The following IQGAP2 variants were observed in gnomAD, a reference collection of about 807,000 sequenced individuals.
IQGAP2 encodes ras GTPase-activating-like protein IQGAP2.
A neutral mutation model predicts 201.3 loss-of-function variants in IQGAP2; 173 were observed. The observed-to-expected ratio is 0.86, with a 90% confidence interval of 0.76 to 0.98. The LOEUF is 0.98. Ranked by LOEUF, IQGAP2 falls within the 50% of genes least tolerant of loss-of-function variation. The probability of loss-of-function intolerance (pLI) is 0.00; values close to 1 mark genes in which losing one functional copy is unlikely to be tolerated. For synonymous variants in IQGAP2, 675 were observed against 673.9 expected (o/e 1.00, Z -0.03); for missense variants, 1,687 against 1,864.8 (o/e 0.90, Z 1.76).
intron 2 of IQGAP2, among the ~76,000 whole-genome samples, chr5:76,478,138 G>A (rs1476666601): frequency 3.3e-5 from 5 of 152,108 alleles, no homozygotes; most frequent in South Asian, 2.1e-4. Context: ...GGTGGCTCAC[G>A]CCTGTAATCC....
In IQGAP2 at chr5:76,615,717, G is replaced by A. The variant is rs533162021; in HGVS notation, c.1521+4534G>A. 4 of 151,478 alleles carry A rather than the reference G, an allele frequency of 2.6e-5. No individual in the cohort carries two copies. In the East Asian group the frequency reaches 7.7e-4, roughly 29 times the overall value. The allele number at this position is 151,478 out of a possible 1,614,324, so 9.4% of individuals were successfully genotyped here. ...ATGTCTTCCTTCCTGTCTAATCACTGAGTTAAGGGAAAAATAGTCATTTAC... is the reference window on the plus strand; with the variant it reads ...ATGTCTTCCTTCCTGTCTAATCACTAAGTTAAGGGAAAAATAGTCATTTAC... On this transcript the variant is annotated intron_variant, in intron 13 of 35. Transcript: ENST00000274364.
At chr5:76,686,194 A>G (rs758222633) in intron 30 of IQGAP2, among the ~76,000 whole-genome samples, 26 of 151,790 alleles carry the variant, frequency 1.7e-4, no homozygotes, top group Non-Finnish European at 3.1e-4. Flanking sequence ...AGTTGTTTAT[A>G]TATTCTGGAC....
chr5:76,470,697 T>C (rs1265677716), intron 2 of IQGAP2, among the ~76,000 whole-genome samples: 1 of 152,188 alleles, frequency 6.6e-6, no homozygotes, highest in Admixed American at 6.5e-5. Flanking sequence ...AGTTGCTTGC[T>C]ACCATGCCTG....
At chr5:76,408,246 G>A (rs751165791) in intron 1 of IQGAP2, among the ~76,000 whole-genome samples, 11 of 152,298 alleles carry the variant, frequency 7.2e-5, no homozygotes, top group South Asian at 4.1e-4. Context: ...GCTACTCAAC[G>A]TCTGATTTGA....
intron 2 of IQGAP2, among the ~76,000 whole-genome samples, chr5:76,546,330 G>A (rs1037892984): frequency 1.3e-5 from 2 of 152,098 alleles, no homozygotes; most frequent in African/African-American, 4.8e-5. Context: ...CAGCTATTCC[G>A]GAGGCTGAGG....
At chr5:76,623,030 T>C (rs2150367058) in intron 13 of IQGAP2, 1 of 775,304 alleles carries the variant, frequency 1.3e-6, no homozygotes, top group Non-Finnish European at 2.2e-6. Context: ...TCCATGATTC[T>C]ACCTTTTAAT....
chr5:76,626,041 A>T (rs1286860386), intron 13 of IQGAP2, among the ~76,000 whole-genome samples: 1 of 152,136 alleles, frequency 6.6e-6, no homozygotes, highest in African/African-American at 2.4e-5. Context: ...AATCAACCCA[A>T]AGTTAAATAG....
chr5:76,536,905 A>G (rs1366662385), intron 2 of IQGAP2, among the ~76,000 whole-genome samples: 5 of 152,206 alleles, frequency 3.3e-5, no homozygotes, highest in Non-Finnish European at 5.9e-5. Flanking sequence ...TTAACTCTGA[A>G]AATTGAAGAC....
intron 3 of IQGAP2, among the ~76,000 whole-genome samples, chr5:76,567,794 A>G (rs4704336): frequency 0.59 from 89,057 of 151,952 alleles, 27,490 homozygotes; most frequent in East Asian, 0.77. Context: ...CAATATGTAG[A>G]ATGTTAGCAT....
At position 76,496,754 on chromosome 5, in the gene IQGAP2, TTTCTTTCTTTC is replaced by T. The variant is rs1561416450; in HGVS notation, c.146+35088_146+35098del. Among the ~76,000 whole-genome samples, 488 of 68,708 alleles carry T rather than the reference TTTCTTTCTTTC, an allele frequency of 7.1e-3. 15 individuals carry two copies. Among genetic ancestry groups the T allele is most frequent in the African/African-American group, 0.037 (453 of 12,368 alleles). 45.1% of individuals were successfully genotyped at this position (68,708 alleles called of 152,430 possible). A position where few individuals can be genotyped will look rare whatever the true frequency, so the allele number is the denominator to read the frequency against. On this transcript the variant is annotated intron_variant, in intron 2 of 35. Coordinates refer to ENST00000274364, the MANE Select transcript of IQGAP2 (RefSeq NM_006633.5). ...CTTTCTTTCTTTCTTTCTTTCTTTC[TTTCTTTCTTTC>T]TTTCTTTCTTTCTTTCTTTCTTTCT...
chr5:76,659,400 T>C (rs370850025), intron 21 of IQGAP2, among the ~76,000 whole-genome samples: 39 of 152,196 alleles, frequency 2.6e-4, no homozygotes, highest in African/African-American at 8.9e-4. Context: ...TGTAGACCTC[T>C]TCACAGAACA....
chr5:76,622,913 C>T (rs924592), intron 13 of IQGAP2, among the ~76,000 whole-genome samples: 139,295 of 152,280 alleles, frequency 0.91, 63,979 homozygotes, highest in Middle Eastern at 0.98. Context: ...CTGACTTAAT[C>T]GTAGACATCT....
intron 13 of IQGAP2, chr5:76,618,160 G>A: frequency 6.2e-7 from 1 of 1,614,178 alleles, no homozygotes; most frequent in East Asian, 2.2e-5. Flanking sequence ...CAGGCAAGGA[G>A]CAGAATGGAG....
chr5:76,634,851 C>T (rs917229918), intron 15 of IQGAP2, among the ~76,000 whole-genome samples: 1 of 152,150 alleles, frequency 6.6e-6, no homozygotes, highest in Non-Finnish European at 1.5e-5. Context: ...AAAAGTATGC[C>T]TCCTTGTGGA....
chr5:76,693,984 A>T (rs995651181), intron 31 of IQGAP2: 3 of 152,290 alleles, frequency 2.0e-5, no homozygotes, highest in African/African-American at 7.2e-5. Context: ...TCTAAAATAA[A>T]TTCAAGGTTG....
intron 2 of IQGAP2, among the ~76,000 whole-genome samples, chr5:76,497,009 T>C (rs1757029205): frequency 6.6e-6 from 1 of 151,938 alleles, no homozygotes; most frequent in Non-Finnish European, 1.5e-5. Flanking sequence ...TTTGTATTTT[T>C]AGTAGAGACA....
intron 1 of IQGAP2, among the ~76,000 whole-genome samples, chr5:76,412,308 T>A (rs2150072059): frequency 6.6e-6 from 1 of 152,316 alleles, no homozygotes; most frequent in East Asian, 1.9e-4. Flanking sequence ...TTTTAATTTT[T>A]TTAAAAATTA....
intron 8 of IQGAP2, among the ~76,000 whole-genome samples, chr5:76,592,445 C>A (rs886314435): frequency 1.3e-5 from 2 of 152,116 alleles, no homozygotes; most frequent in African/African-American, 4.8e-5. Flanking sequence ...TTAAAAAATG[C>A]TTATAGTACT....
chr5:76,698,792 T>C (rs1746989908), intron 33 of IQGAP2, among the ~76,000 whole-genome samples: 1 of 152,194 alleles, frequency 6.6e-6, no homozygotes, highest in South Asian at 2.1e-4. Context: ...ATCCTTGTCA[T>C]CAAATTGGCA....
Sources: allele counts gnomAD v4.1 joint callset (sites outside exome capture counted in the v4.1 genomes callset), GRCh38; gene constraint gnomAD v4.1.1; transcripts MANE v1.5; gene names NCBI Gene and HGNC (gene_info 2026-07-23, HGNC 2026-07-21).